Variants in CNTNAP2 observed in about 807,000 individuals in gnomAD.
CNTNAP2 encodes contactin-associated protein-like 2.
A neutral mutation model predicts 155.2 loss-of-function variants in CNTNAP2; 98 were observed. That is an observed-to-expected ratio of 0.63 (90% CI 0.54 to 0.75). CNTNAP2 has a LOEUF of 0.75. Ranked by LOEUF, CNTNAP2 falls within the 30% of genes least tolerant of loss-of-function variation. CNTNAP2 has a pLI of 0.00. For synonymous variants in CNTNAP2, 651 were observed against 631.2 expected (o/e 1.03, Z -0.47); for missense variants, 1,727 against 1,688.1 (o/e 1.02, Z -0.40).
chr7:146,246,007 T>C (rs1396386784), intron 1 of CNTNAP2, among the ~76,000 whole-genome samples: 1 of 149,654 alleles, frequency 6.7e-6, no homozygotes, highest in Non-Finnish European at 1.5e-5. Context: ...AAGGCTTGTC[T>C]GGTTTTAGGA....
intron 13 of CNTNAP2, among the ~76,000 whole-genome samples, chr7:147,758,620 G>A (rs554569166): frequency 1.3e-5 from 2 of 152,294 alleles, no homozygotes; most frequent in South Asian, 4.1e-4. Flanking sequence ...GAGGCAGGCA[G>A]ATAGCTTGAG....
intron 1 of CNTNAP2, among the ~76,000 whole-genome samples, chr7:146,180,851 A>C (rs1037655222): frequency 2.6e-5 from 4 of 152,186 alleles, no homozygotes; most frequent in Non-Finnish European, 5.9e-5. Context: ...CCAGTAAGTA[A>C]GTTTGTCGTG....
intron 1 of CNTNAP2, among the ~76,000 whole-genome samples, chr7:146,744,911 C>T (rs1048499452): frequency 6.6e-6 from 1 of 152,152 alleles, no homozygotes. Flanking sequence ...AATATATCCT[C>T]TAAGTAGAAT....
chr7:148,054,146 G>T (rs1435538402), intron 15 of CNTNAP2, among the ~76,000 whole-genome samples: 2 of 151,890 alleles, frequency 1.3e-5, no homozygotes, highest in Non-Finnish European at 2.9e-5. Context: ...CTAATTTTTT[G>T]TATTTTTAGT....
rs1417779549 is a variant in CNTNAP2 at position 148,357,495 on chromosome 7, T to C, written c.3476-26154T>C. 2.0e-5 allele frequency among the ~76,000 whole-genome samples: 3 copies of C among 152,166 alleles called. No individual in the cohort carries two copies. The East Asian group carries it at 5.8e-4, about 29-fold the overall frequency. ...CTCCCATCAGCCTTCTCTTTGCAAA[T>C]TGTAGCCCCCGTTCAATGATCAGTT... On this transcript the variant is annotated intron_variant, in intron 21 of 23. Coordinates refer to ENST00000361727, the MANE Select transcript of CNTNAP2 (RefSeq NM_014141.6).
intron 2 of CNTNAP2, among the ~76,000 whole-genome samples, chr7:146,776,472 G>T (rs1472141207): frequency 6.6e-6 from 1 of 152,192 alleles, no homozygotes; most frequent in Non-Finnish European, 1.5e-5. Flanking sequence ...CATGACTGGT[G>T]TTGAGCAAGG....
intron 4 of CNTNAP2, among the ~76,000 whole-genome samples, chr7:147,075,427 A>T (rs1472779806): frequency 6.6e-6 from 1 of 152,122 alleles, no homozygotes; most frequent in Non-Finnish European, 1.5e-5. Context: ...TGGTATTACA[A>T]CACATTTCCT....
At chr7:146,739,944 T>C (rs988492969) in intron 1 of CNTNAP2, among the ~76,000 whole-genome samples, 3 of 152,116 alleles carry the variant, frequency 2.0e-5, no homozygotes, top group Admixed American at 6.5e-5. Context: ...TTTAATCTTA[T>C]ATAAATATAG....
intron 10 of CNTNAP2, among the ~76,000 whole-genome samples, chr7:147,464,138 A>G (rs923875279): frequency 2.0e-5 from 3 of 152,052 alleles, no homozygotes; most frequent in African/African-American, 7.2e-5. Flanking sequence ...GGCAGCTATG[A>G]TTCTCCACTG....
In CNTNAP2 at chr7:148,213,431, T is replaced by C. The variant is rs1432347891; in HGVS notation, c.3011-3857T>C. Among the ~76,000 whole-genome samples, 3 of 152,292 alleles carry C rather than the reference T, an allele frequency of 2.0e-5. No individual in the cohort carries two copies. The East Asian group carries it at 5.8e-4, about 29-fold the overall frequency. ...CCTGTCACTCAGGTGCTGGGGTCTC[T>C]GCTGCCCAGACCCTTCCCTCCCTAG... On this transcript the variant is annotated intron_variant, in intron 18 of 23. Coordinates refer to ENST00000361727, the MANE Select transcript of CNTNAP2 (RefSeq NM_014141.6).
chr7:147,657,381 A>G (rs1230288981), intron 13 of CNTNAP2, among the ~76,000 whole-genome samples: 7 of 152,198 alleles, frequency 4.6e-5, no homozygotes, highest in Admixed American at 2.0e-4. Context: ...TACAAATTCA[A>G]TGGGAGGGGT....
At chr7:147,818,627 CT>C (rs377720724) in intron 13 of CNTNAP2, among the ~76,000 whole-genome samples, 67 of 152,284 alleles carry the variant, frequency 4.4e-4, no homozygotes, top group Middle Eastern at 3.4e-3. Context: ...GACGTTTCCC[CT>C]ATCTCTATTT....
intron 13 of CNTNAP2, among the ~76,000 whole-genome samples, chr7:147,834,398 C>T (rs534874563): frequency 3.5e-4 from 53 of 152,260 alleles, no homozygotes; most frequent in South Asian, 1.7e-3. Context: ...TTCTGTGATG[C>T]ATTTTGTGTT....
At chr7:148,071,137 C>A (rs1367211922) in intron 15 of CNTNAP2, among the ~76,000 whole-genome samples, 1 of 152,092 alleles carries the variant, frequency 6.6e-6, no homozygotes, top group Admixed American at 6.6e-5. Context: ...CCAAACATAT[C>A]CCAGTTTTAT....
chr7:147,086,669 C>T (rs1439410912), intron 4 of CNTNAP2, among the ~76,000 whole-genome samples: 1 of 152,112 alleles, frequency 6.6e-6, no homozygotes, highest in African/African-American at 2.4e-5. Flanking sequence ...AACTCCTGGG[C>T]TCCAGCGATT....
chr7:148,396,727 C>T lies in CNTNAP2; in HGVS notation c.3716-12664C>T, dbSNP rs111728851. Among the ~76,000 whole-genome samples, 1,279 of 152,306 alleles carry T rather than the reference C, an allele frequency of 8.4e-3. 13 individuals carry two copies. Among genetic ancestry groups the T allele is most frequent in the African/African-American group, 0.013 (538 of 41,570 alleles). On this transcript the variant is annotated intron_variant, in intron 22 of 23. Transcript: ENST00000361727. ...CCTTTGAGATCTTTGTCTGATTCCA[C>T]GTGCTCTGCATAGACTATTCAGAAA...
chr7:147,265,217 C>A (rs1290860754), intron 8 of CNTNAP2, among the ~76,000 whole-genome samples: 1 of 152,076 alleles, frequency 6.6e-6, no homozygotes, highest in Non-Finnish European at 1.5e-5. Context: ...ATTTTAAGTT[C>A]TCGGATACAT....
intron 8 of CNTNAP2, among the ~76,000 whole-genome samples, chr7:147,241,240 T>G (rs1245267649): frequency 6.6e-6 from 1 of 152,230 alleles, no homozygotes; most frequent in Non-Finnish European, 1.5e-5. Flanking sequence ...TTCACTTTGT[T>G]AGAATTCTGG....
chr7:147,337,495 T>A (rs964816570), intron 9 of CNTNAP2, among the ~76,000 whole-genome samples: 2 of 152,134 alleles, frequency 1.3e-5, no homozygotes, highest in Non-Finnish European at 2.9e-5. Context: ...AAAGGGGCCA[T>A]ATGGGGACCT....
Sources: gnomAD v4.1 joint callset for allele counts (sites outside exome capture counted in the v4.1 genomes callset) on GRCh38, gnomAD v4.1.1 for gene constraint, MANE v1.5 for transcripts, NCBI Gene and HGNC (gene_info 2026-07-23, HGNC 2026-07-21) for gene names.